KIAA0513: variants seen among roughly 807,000 people sequenced by gnomAD.
The protein encoded by KIAA0513 is uncharacterized protein KIAA0513.
In KIAA0513, 39 loss-of-function variants were observed where a neutral mutation model predicts 56.5. The ratio of observed to expected loss-of-function variants is 0.69; its 90% confidence interval spans 0.53 to 0.90. The LOEUF is 0.90. KIAA0513 is among the 40% of genes least tolerant of loss of function. The pLI, the probability that KIAA0513 is intolerant of heterozygous loss-of-function variation, is 0.00. For synonymous variants in KIAA0513, 268 were observed against 215.6 expected, an observed-to-expected ratio of 1.24 and a Z score of -2.13; for missense variants, 591 against 535.2, an observed-to-expected ratio of 1.10 and a Z score of -1.03.
chr16:85,071,060 T>G (rs2073566157), intron 2 of KIAA0513, among the ~76,000 whole-genome samples: 1 of 152,246 alleles, frequency 6.6e-6, no homozygotes, highest in African/African-American at 2.4e-5. Flanking sequence ...ATCTTCAGCC[T>G]TCTGCTCCAT....
intron 8 of KIAA0513, chr16:85,079,245 C>T (rs2073706665): frequency 9.2e-6 from 7 of 762,036 alleles, no homozygotes; most frequent in African/African-American, 1.7e-5. Context: ...CTGGCAGTTC[C>T]TTTAAAGGTG....
chr16:85,076,944 C>T lies in KIAA0513; in HGVS notation c.575-481C>T, dbSNP rs988915840. On this transcript the variant is annotated intron_variant, in intron 5 of 12. Coordinates refer to ENST00000683363, the MANE Select transcript of KIAA0513 (RefSeq NM_001388359.1). The surrounding 1 kb of genome is among the most constrained non-coding windows in gnomAD (Gnocchi z 4.7). Reference sequence around the variant, plus strand: ...TGGGCACTGAGGCCCGTGGGGGTGCCTCATCCTGTGGGGGTGCCAGGGCCT... The same window carrying T: ...TGGGCACTGAGGCCCGTGGGGGTGCTTCATCCTGTGGGGGTGCCAGGGCCT... 2.0e-5 allele frequency among the ~76,000 whole-genome samples: 3 copies of T among 152,154 alleles called. No homozygotes were observed. The highest frequency in any genetic ancestry group is 7.2e-5 in the African/African-American group (3 of 41,436).
rs547309738 is a variant in KIAA0513, at chr16:85,077,637, G to A, written c.782+5G>A. The A allele has an allele frequency of 1.1e-5, 17 of 1,600,580 alleles. No homozygotes were observed. Among genetic ancestry groups the A allele is most frequent in the Middle Eastern group, 1.7e-4 (1 of 5,926 alleles). ...GCCCCTGGCCAGGAGGAACGAGTACGTGTGGCCTTGGGGTCCCTCCCACCT... is the reference window on the plus strand; with the variant it reads ...GCCCCTGGCCAGGAGGAACGAGTACATGTGGCCTTGGGGTCCCTCCCACCT... On this transcript the variant is annotated splice_donor_5th_base_variant and intron_variant, in intron 6 of 12. Coordinates refer to ENST00000683363, the MANE Select transcript of KIAA0513 (RefSeq NM_001388359.1).
chr16:85,046,657 G>A (rs902294075), intron 1 of KIAA0513, among the ~76,000 whole-genome samples: 3 of 152,304 alleles, frequency 2.0e-5, no homozygotes, highest in East Asian at 1.9e-4. Flanking sequence ...GTCAGGAAGG[G>A]TGTGCAGCCC....
At chr16:85,058,886 A>G (rs2073366188) in intron 1 of KIAA0513, among the ~76,000 whole-genome samples, 1 of 152,206 alleles carries the variant, frequency 6.6e-6, no homozygotes, top group Admixed American at 6.5e-5. Context: ...ATGAGCAAGG[A>G]TGCTTTTCTT....
At chr16:85,037,664 T>C (rs1362807034) in intron 1 of KIAA0513, among the ~76,000 whole-genome samples, 2 of 152,236 alleles carry the variant, frequency 1.3e-5, no homozygotes, top group Non-Finnish European at 2.9e-5. Flanking sequence ...AACTTCATTA[T>C]GCAGAACAAC....
chr16:85,034,280 T>C (rs2073005561), intron 1 of KIAA0513, among the ~76,000 whole-genome samples: 1 of 152,148 alleles, frequency 6.6e-6, no homozygotes, highest in African/African-American at 2.4e-5. Flanking sequence ...CTAAGGAGGC[T>C]GAGGCAGGAG....
In KIAA0513 at chr16:85,036,132, C is replaced by A. The variant is rs370813114; in HGVS notation, c.-173+8274C>A. Among the ~76,000 whole-genome samples, 6 of 152,192 alleles carry A rather than the reference C, an allele frequency of 3.9e-5. No individual in the cohort carries two copies. In the South Asian group the frequency reaches 6.2e-4, roughly 16 times the overall value. The stretch of plus-strand genomic sequence containing the variant: ...ACCTGGCCTGCTTAGAGTGTTTAAA[C>A]AGCCTTCTTTCCTCCTTCTTTGTTT... On this transcript the variant is annotated intron_variant, in intron 1 of 12. Coordinates refer to ENST00000683363, the MANE Select transcript of KIAA0513 (RefSeq NM_001388359.1).
chr16:85,082,514 G>C (rs2073757808), intron 9 of KIAA0513, 50 bp from the exon 10 acceptor site: 2 of 1,594,168 alleles, frequency 1.3e-6, no homozygotes, highest in South Asian at 2.2e-5. Flanking sequence ...CACATATCTT[G>C]CATGACTTTG....
intron 1 of KIAA0513, among the ~76,000 whole-genome samples, chr16:85,051,821 G>GC (rs2073256614): frequency 7.1e-6 from 1 of 141,762 alleles, no homozygotes; most frequent in Non-Finnish European, 1.5e-5. Context: ...TCCCTCTCAT[G>GC]TTTTTTTTTT....
chr16:85,055,491 C>T (rs374501686), intron 1 of KIAA0513, among the ~76,000 whole-genome samples: 1 of 152,206 alleles, frequency 6.6e-6, no homozygotes, highest in Admixed American at 6.5e-5. Context: ...CTTGCTAAAA[C>T]TCAGTGTACT....
intron 1 of KIAA0513, among the ~76,000 whole-genome samples, chr16:85,041,067 G>T (rs571139783): frequency 2.6e-4 from 40 of 152,294 alleles, no homozygotes; most frequent in South Asian, 4.1e-4. Flanking sequence ...CCCTAAATAA[G>T]AATTCAGCTC....
intron 10 of KIAA0513, 100 bp downstream of exon 10, chr16:85,082,693 G>GCTCA: frequency 7.8e-7 from 1 of 1,289,386 alleles, no homozygotes; most frequent in Non-Finnish European, 1.1e-6. Flanking sequence ...TGCTGCAGCA[G>GCTCA]GCACAGCCCA....
rs1464675403 is a variant in KIAA0513 at position 85,086,538 on chromosome 16, G to A, written c.1011-106G>A. On this transcript the variant is annotated intron_variant, in intron 10 of 12. Coordinates refer to ENST00000683363, the MANE Select transcript of KIAA0513 (RefSeq NM_001388359.1). ...GGCACCCCCTTCTGTGCCCGGTGGGGGCCGTACATGGGTGCCGCCAGCACC... is the reference window on the plus strand; with the variant it reads ...GGCACCCCCTTCTGTGCCCGGTGGGAGCCGTACATGGGTGCCGCCAGCACC... 12 of 1,050,816 alleles carry A rather than the reference G, an allele frequency of 1.1e-5. No homozygotes were observed. The Admixed American group carries it at 2.2e-4, about 19-fold the overall frequency. 65.1% of individuals were successfully genotyped at this position (1,050,816 alleles called of 1,614,324 possible). A position where few individuals can be genotyped will look rare whatever the true frequency, so the allele number is the denominator to read the frequency against.
intron 1 of KIAA0513, among the ~76,000 whole-genome samples, chr16:85,066,634 G>A (rs984211365): frequency 7.2e-5 from 11 of 152,198 alleles, no homozygotes; most frequent in Non-Finnish European, 1.0e-4. Flanking sequence ...CTTGGGGCTG[G>A]AGCGGGGAGG....
At chr16:85,079,055 G>T (rs1330883875) in intron 8 of KIAA0513, 52 bp downstream of exon 8, 2 of 1,613,590 alleles carry the variant, frequency 1.2e-6, no homozygotes, top group Non-Finnish European at 1.7e-6. Context: ...GGGGCCAGCA[G>T]TCACTCCCCG....
intron 5 of KIAA0513, among the ~76,000 whole-genome samples, chr16:85,077,024 GC>G (rs374674561): frequency 2.5e-4 from 38 of 150,854 alleles, no homozygotes; most frequent in Non-Finnish European, 3.7e-4. Context: ...CCTCCTCCAG[GC>G]CCCCCCCCAA....
intron 1 of KIAA0513, among the ~76,000 whole-genome samples, chr16:85,043,807 C>A (rs968474783): frequency 2.0e-5 from 3 of 152,192 alleles, no homozygotes; most frequent in East Asian, 1.9e-4. Flanking sequence ...CCGAAGCGGG[C>A]GGATCACCTG....
In KIAA0513 at chr16:85,077,586, G is replaced by A. The variant is rs1321276239; in HGVS notation, c.736G>A (p.Gly246Arg). 11 of 1,613,868 alleles carry A rather than the reference G, an allele frequency of 6.8e-6. No individual in the cohort carries two copies. Among genetic ancestry groups the A allele is most frequent in the Non-Finnish European group, 9.3e-6 (11 of 1,179,964 alleles). ...ARTENVKGFF[G>R]GLETKLKGPL... is the part of the protein sequence containing the mutation. The stretch of plus-strand genomic sequence containing the variant: ...GACTGAGAATGTCAAGGGCTTCTTC[G>A]GGGGGCTGGAGACCAAGCTGAAGGG... The change falls in exon 6 of 13, where the codon GGG (glycine) becomes AGG (arginine). Residue 246 changes from glycine (G) to arginine (R), a missense_variant. Coordinates refer to ENST00000683363, the MANE Select transcript of KIAA0513 (RefSeq NM_001388359.1).
Sources: gnomAD v4.1 joint callset for allele counts (sites outside exome capture counted in the v4.1 genomes callset) on GRCh38, gnomAD v4.1.1 for gene constraint, Gnocchi (gnomAD v3.1) non-coding constraint, MANE v1.5 for transcripts, NCBI Gene and HGNC (gene_info 2026-07-23, HGNC 2026-07-21) for gene names.